EEA1: variants seen among roughly 807,000 people sequenced by gnomAD.
EEA1 encodes the protein early endosome antigen 1, also known as early endosome antigen 1, 162kD.
Under a neutral mutation model 209.2 loss-of-function variants are expected in EEA1, and 111 were observed. That is an observed-to-expected ratio of 0.53 (90% confidence interval 0.45 to 0.62). The LOEUF is 0.62. Among genes scored for constraint, EEA1 ranks in the 20% least tolerant of loss-of-function variants. The probability of loss-of-function intolerance (pLI) is 0.00; values close to 1 mark genes in which losing one functional copy is unlikely to be tolerated. For missense variants in EEA1, 1,343 were observed against 1,530.8 expected (o/e 0.88, Z 2.05); for synonymous variants, 536 against 540.6 (o/e 0.99, Z 0.12).
intron 19 of EEA1, among the ~76,000 whole-genome samples, chr12:92,801,955 C>A (rs1040457544): frequency 1.3e-5 from 2 of 151,894 alleles, no homozygotes; most frequent in Admixed American, 6.6e-5. Context: ...AAAATGATAT[C>A]TTAGAACACT....
At chr12:92,847,853 C>G (rs1015412057) in intron 9 of EEA1, among the ~76,000 whole-genome samples, 3 of 152,080 alleles carry the variant, frequency 2.0e-5, no homozygotes, top group African/African-American at 7.2e-5. Flanking sequence ...TTATAAGAAA[C>G]AAATGCGACC....
chr12:92,865,645 T>C (rs1047761957), intron 2 of EEA1, among the ~76,000 whole-genome samples: 1 of 152,062 alleles, frequency 6.6e-6, no homozygotes, highest in African/African-American at 2.4e-5. Context: ...AAGATCCATG[T>C]TTTACAAATT....
At chr12:92,828,208 C>A in intron 11 of EEA1, 147 bp from the exon 12 acceptor site, 1 of 540,472 alleles carries the variant, frequency 1.9e-6, no homozygotes, top group South Asian at 7.8e-5. Flanking sequence ...AGATTTTATA[C>A]AGTAATTTTA....
chr12:92,851,222 T>C lies in EEA1; in HGVS notation c.687A>G (p.Glu229=). 13 of 1,613,916 alleles carry C rather than the reference T, an allele frequency of 8.1e-6. No individual in the cohort carries two copies. Among genetic ancestry groups the C allele is most frequent in the Non-Finnish European group, 1.0e-5 (12 of 1,179,882 alleles). The change falls in exon 9 of 29, where the codon GAA becomes GAG. Residue 229 remains glutamate (E), a synonymous_variant. Coordinates refer to ENST00000322349, the MANE Select transcript of EEA1 (RefSeq NM_003566.4). ...GIEDVAVLKK[E]LVQVQTLMDN... ...CCATTAGTGTTTGAACTTGGACCAG[T>C]TCTTTCTTTAGCACGGCAACATCTT...
chr12:92,837,625 T>C (rs1335685245), intron 10 of EEA1, among the ~76,000 whole-genome samples: 1 of 152,224 alleles, frequency 6.6e-6, no homozygotes, highest in African/African-American at 2.4e-5. Flanking sequence ...GCTGTTTAAA[T>C]GTCAGAAGTT....
At chr12:92,910,332 G>T (rs1224624088) in intron 1 of EEA1, among the ~76,000 whole-genome samples, 1 of 151,570 alleles carries the variant, frequency 6.6e-6, no homozygotes, top group African/African-American at 2.4e-5. Flanking sequence ...AGCCGGGCAT[G>T]GTGGTGCGCA....
In EEA1 at chr12:92,900,434, G is replaced by A. The variant is rs576770048; in HGVS notation, c.25-8713C>T. ...TATCCAGAGTATGTCTTTACTGTGTGTTTTTTTTTTTACATTTAATGCCCA... is the reference window on the plus strand; with the variant it reads ...TATCCAGAGTATGTCTTTACTGTGTATTTTTTTTTTTACATTTAATGCCCA... On this transcript the variant is annotated intron_variant, in intron 1 of 28. Coordinates refer to ENST00000322349, the MANE Select transcript of EEA1 (RefSeq NM_003566.4). Among the ~76,000 whole-genome samples, 219 of 144,632 alleles carry A rather than the reference G, an allele frequency of 1.5e-3. 1 individual carries two copies. Among genetic ancestry groups the A allele is most frequent in the Non-Finnish European group, 2.1e-4 (14 of 65,994 alleles). The allele number at this position is 144,632 out of a possible 152,430, so 94.9% of individuals were successfully genotyped here.
At chr12:92,847,400 T>G (rs1340258669) in intron 9 of EEA1, among the ~76,000 whole-genome samples, 1 of 152,144 alleles carries the variant, frequency 6.6e-6, no homozygotes, top group Non-Finnish European at 1.5e-5. Context: ...TAATTGAAAA[T>G]AACTAGAATT....
At chr12:92,893,889 A>C (rs1257942114) in intron 1 of EEA1, among the ~76,000 whole-genome samples, 1 of 151,894 alleles carries the variant, frequency 6.6e-6, no homozygotes, top group Admixed American at 6.6e-5. Context: ...TTGCACATTT[A>C]TTTACAGGCA....
chr12:92,887,133 T>A (rs1021987056), intron 2 of EEA1, among the ~76,000 whole-genome samples: 2 of 152,084 alleles, frequency 1.3e-5, no homozygotes, highest in African/African-American at 4.8e-5. Flanking sequence ...GAGGAAAGAT[T>A]TAATTAATTG....
intron 2 of EEA1, among the ~76,000 whole-genome samples, chr12:92,882,784 T>C (rs1879205203): frequency 6.6e-6 from 1 of 152,232 alleles, no homozygotes; most frequent in South Asian, 2.1e-4. Context: ...TATTCTGTGG[T>C]ATATATGTAC....
At chr12:92,811,701 G>T (rs968038050) in intron 16 of EEA1, among the ~76,000 whole-genome samples, 1 of 151,698 alleles carries the variant, frequency 6.6e-6, no homozygotes, top group Non-Finnish European at 1.5e-5. Context: ...ATTATTTTAG[G>T]AGCCAAATAT....
At chr12:92,810,656 T>A (rs568129165) in intron 17 of EEA1, among the ~76,000 whole-genome samples, 91 of 135,810 alleles carry the variant, frequency 6.7e-4, no homozygotes, top group African/African-American at 1.0e-3. Flanking sequence ...TTTTTAAAAA[T>A]TTTTTTTTTT....
At chr12:92,891,509 C>A in intron 2 of EEA1, 120 bp downstream of exon 2, 1 of 740,118 alleles carries the variant, frequency 1.4e-6, no homozygotes, top group South Asian at 2.2e-5. Flanking sequence ...AAGTCACATT[C>A]CAACTTTTAC....
In EEA1 at chr12:92,774,359, G is replaced by A. The variant is rs960998294; in HGVS notation, c.*1652C>T. 18 of 151,238 alleles carry A rather than the reference G, an allele frequency of 1.2e-4. No individual in the cohort carries two copies. The highest frequency in any genetic ancestry group is 4.1e-4 in the African/African-American group (17 of 41,278). 9.4% of individuals were successfully genotyped at this position (151,238 alleles called of 1,614,324 possible). On this transcript the variant is annotated 3_prime_UTR_variant, in exon 29 of 29. Coordinates refer to ENST00000322349, the MANE Select transcript of EEA1 (RefSeq NM_003566.4). Reference sequence around the variant, plus strand: ...TTAAATAATTAAACAAATATGTAGTGATCTCTTTAGTTTACATACACTGTA... The same window carrying A: ...TTAAATAATTAAACAAATATGTAGTAATCTCTTTAGTTTACATACACTGTA...
At chr12:92,851,000 GAC>G (rs1184265930) in intron 9 of EEA1, 109 bp downstream of exon 9, 4 of 1,009,874 alleles carry the variant, frequency 4.0e-6, no homozygotes, top group Non-Finnish European at 5.6e-6. Context: ...ATGAAAGAAA[GAC>G]AAATATTTTG....
At chr12:92,903,984 C>T (rs1280802314) in intron 1 of EEA1, among the ~76,000 whole-genome samples, 4 of 150,114 alleles carry the variant, frequency 2.7e-5, no homozygotes, top group African/African-American at 4.9e-5. Flanking sequence ...TTTTTTGAGA[C>T]GGAGTTTCTC....
At chr12:92,833,199 G>GT (rs1876741537) in intron 10 of EEA1, among the ~76,000 whole-genome samples, 1 of 152,112 alleles carries the variant, frequency 6.6e-6, no homozygotes, top group African/African-American at 2.4e-5. Flanking sequence ...ATTATTTTGA[G>GT]TAACAATATA....
intron 17 of EEA1, among the ~76,000 whole-genome samples, chr12:92,810,603 T>C (rs1241861405): frequency 6.6e-6 from 1 of 152,050 alleles, no homozygotes; most frequent in African/African-American, 2.4e-5. Context: ...AAGTTACATA[T>C]ATAGTAACTT....
Sources: allele counts gnomAD v4.1 joint callset (sites outside exome capture counted in the v4.1 genomes callset), GRCh38; gene constraint gnomAD v4.1.1; transcripts MANE v1.5; gene names NCBI Gene and HGNC (gene_info 2026-07-23, HGNC 2026-07-21).